The following SNAPC3 variants were observed in gnomAD, a reference collection of about 807,000 sequenced individuals.
SNAPC3 encodes small nuclear RNA activating complex polypeptide 3.
A neutral mutation model predicts 47.7 loss-of-function variants in SNAPC3; 56 were observed. That is an observed-to-expected ratio of 1.18 (90% CI 0.95 to 1.47). The LOEUF (loss-of-function observed/expected upper bound fraction) is 1.47, where lower values mean the gene tolerates loss of function less well. Ranked by LOEUF, SNAPC3 falls within the 40% of genes most tolerant of loss-of-function variation. The pLI is 0.00. For synonymous variants in SNAPC3, 235 were observed against 189.9 expected (o/e 1.24, Z -1.95); for missense variants, 665 against 511.3 (o/e 1.30, Z -2.90).
At chr9:15,451,175 G>A (rs78010794) in intron 5 of SNAPC3, 145 bp from the exon 6 acceptor site, 7,299 of 411,980 alleles carry the variant, frequency 0.018, 451 homozygotes, top group African/African-American at 0.14. Context: ...GATTATAACA[G>A]CAATAGGGTA....
chr9:15,438,384 TAA>T (rs2033020495), intron 3 of SNAPC3, among the ~76,000 whole-genome samples: 1 of 152,146 alleles, frequency 6.6e-6, no homozygotes, highest in South Asian at 2.1e-4. Flanking sequence ...GTCAGTGCAG[TAA>T]AAGTTTGTCA....
Position 15,424,729 on chromosome 9 carries a change from T to TTA in SNAPC3, c.392+743_392+744insTA, listed in dbSNP as rs2031114370. Reference sequence around the variant, plus strand: ...TATGATAATATAGAGAAATTGTGCATGTAATAGTGAAATTTATAATTTCCA... The same window carrying TTA: ...TATGATAATATAGAGAAATTGTGCATTAGTAATAGTGAAATTTATAATTTCCA... On this transcript the variant is annotated intron_variant, in intron 2 of 8. Transcript: ENST00000380821. Among the ~76,000 whole-genome samples, 10 of 152,368 alleles carry TTA rather than the reference T, an allele frequency of 6.6e-5. No individual in the cohort carries two copies. In the South Asian group the frequency reaches 1.9e-3, roughly 28 times the overall value.
chr9:15,431,709 CAT>C (rs1156458784), intron 2 of SNAPC3, among the ~76,000 whole-genome samples: 1 of 152,042 alleles, frequency 6.6e-6, no homozygotes, highest in Non-Finnish European at 1.5e-5. Flanking sequence ...TAATGTGTCA[CAT>C]ATTTTTCACA....
At chr9:15,462,219 G>C (rs932194566), downstream of SNAPC3, 1 of 152,130 alleles carries the variant, frequency 6.6e-6, no homozygotes, top group Admixed American at 6.5e-5. Context: ...CTGCTACTGG[G>C]ATTCTTTATT....
intron 3 of SNAPC3, among the ~76,000 whole-genome samples, chr9:15,442,579 C>T (rs369884324): frequency 4.6e-5 from 7 of 150,882 alleles, no homozygotes; most frequent in South Asian, 2.1e-4. Context: ...GACGGGGCGG[C>T]GGGGCAGAGG....
downstream of SNAPC3, chr9:15,464,856 A>G (rs916924382): frequency 2.9e-5 from 6 of 209,760 alleles, no homozygotes; most frequent in Admixed American, 2.9e-4. Context: ...AAACTAAATT[A>G]CCTTCAAAAA....
chr9:15,442,491 A>C (rs2033542076), intron 3 of SNAPC3, among the ~76,000 whole-genome samples: 2 of 146,274 alleles, frequency 1.4e-5, no homozygotes, highest in Middle Eastern at 3.8e-3. Flanking sequence ...CTCACTTCTC[A>C]GACCGGGCGG....
intron 7 of SNAPC3, among the ~76,000 whole-genome samples, chr9:15,456,490 G>C (rs1185722003): frequency 6.6e-6 from 1 of 151,544 alleles, no homozygotes; most frequent in Non-Finnish European, 1.5e-5. Flanking sequence ...TTTCTTGAGA[G>C]GGGATGTCAC....
At chr9:15,428,988 A>G (rs1204294082) in intron 2 of SNAPC3, among the ~76,000 whole-genome samples, 1 of 152,212 alleles carries the variant, frequency 6.6e-6, no homozygotes, top group Non-Finnish European at 1.5e-5. Context: ...AACTAAATCT[A>G]GAAAGGGTTC....
intron 1 of SNAPC3, among the ~76,000 whole-genome samples, chr9:15,423,485 CAG>C (rs2030877954): frequency 6.6e-6 from 1 of 152,266 alleles, no homozygotes; most frequent in South Asian, 2.1e-4. Context: ...GAAAAGCAAT[CAG>C]GGCAACAGCG....
downstream of SNAPC3, chr9:15,465,563 C>A: frequency 1.3e-6 from 2 of 1,585,718 alleles, no homozygotes; most frequent in Non-Finnish European, 8.6e-7. Flanking sequence ...TTCAGTCTCT[C>A]TCTCTTCACT....
intron 5 of SNAPC3, among the ~76,000 whole-genome samples, chr9:15,448,788 G>A (rs781514228): frequency 9.2e-5 from 14 of 152,100 alleles, no homozygotes; most frequent in Non-Finnish European, 1.8e-4. Flanking sequence ...AAAATTTTAC[G>A]CGGAGCAGGA....
At chr9:15,434,471 C>T (rs531006346) in intron 3 of SNAPC3, among the ~76,000 whole-genome samples, 8 of 151,146 alleles carry the variant, frequency 5.3e-5, no homozygotes, top group Non-Finnish European at 1.0e-4. Flanking sequence ...GCAGTGGCGC[C>T]ATCTCGGCTC....
At position 15,423,157 on chromosome 9, in the gene SNAPC3, G is replaced by A; in HGVS notation, c.278G>A (p.Ser93Asn). ...DAAVARDLDC[S>N]LEAAAELRAV... Reference sequence around the variant, plus strand: ...GCGGTGGCCAGGGATCTGGACTGCAGCCTGGAGGCGGCGGCTGAGCTGAGG... The same window carrying A: ...GCGGTGGCCAGGGATCTGGACTGCAACCTGGAGGCGGCGGCTGAGCTGAGG... The change falls in exon 1 of 9, where the codon AGC (serine) becomes AAC (asparagine). Residue 93 changes from serine (S) to asparagine (N), a missense_variant. Transcript: ENST00000380821. The A allele has an allele frequency of 1.3e-6, 2 of 1,574,084 alleles. No homozygotes were observed. Among genetic ancestry groups the A allele is most frequent in the South Asian group, 2.3e-5 (2 of 86,952 alleles).
downstream of SNAPC3, chr9:15,464,708 A>C (rs1240139107): frequency 5.0e-6 from 1 of 200,116 alleles, no homozygotes; most frequent in Non-Finnish European, 1.0e-5. Flanking sequence ...AAACTTACTT[A>C]GTTTTCAGTT....
At chr9:15,427,321 C>A (rs2031541796) in intron 2 of SNAPC3, among the ~76,000 whole-genome samples, 1 of 152,146 alleles carries the variant, frequency 6.6e-6, no homozygotes, top group South Asian at 2.1e-4. Context: ...ATTCCAAAAG[C>A]TTCAGCAACA....
intron 8 of SNAPC3, among the ~76,000 whole-genome samples, chr9:15,458,776 A>G (rs1365226023): frequency 1.3e-5 from 2 of 152,122 alleles, no homozygotes; most frequent in Non-Finnish European, 2.9e-5. Flanking sequence ...AAAATCTGAA[A>G]GCCACTCAGA....
chr9:15,436,761 C>T (rs1362852624), intron 3 of SNAPC3, among the ~76,000 whole-genome samples: 5 of 149,556 alleles, frequency 3.3e-5, no homozygotes, highest in Non-Finnish European at 5.9e-5. Context: ...GATACCAAGT[C>T]TTCCAATCCA....
rs184671434 is a variant in SNAPC3 at position 15,456,989 on chromosome 9, G to A, written c.981-971G>A. Among the ~76,000 whole-genome samples, 3 of 152,278 alleles carry A rather than the reference G, an allele frequency of 2.0e-5. No homozygotes were observed. In the East Asian group the frequency reaches 5.8e-4, roughly 29 times the overall value. The stretch of plus-strand genomic sequence containing the variant: ...TTAGAGACCTTTAGAACAATTTTGT[G>A]TAGTCCTTTCATCTTTCAGAAGAAT... On this transcript the variant is annotated intron_variant, in intron 7 of 8. Transcript: ENST00000380821.
Sources: gnomAD v4.1 joint callset for allele counts (sites outside exome capture counted in the v4.1 genomes callset) on GRCh38, gnomAD v4.1.1 for gene constraint, MANE v1.5 for transcripts, NCBI Gene and HGNC (gene_info 2026-07-23, HGNC 2026-07-21) for gene names.